The following DDX6 variants were observed in gnomAD, a reference collection of about 807,000 sequenced individuals.
DDX6 encodes DEAD-box helicase 6, also known as probable ATP-dependent RNA helicase DDX6.
In DDX6, 7 loss-of-function variants were observed where a neutral mutation model predicts 60.6. The observed-to-expected ratio is 0.12, with a 90% CI of 0.07 to 0.22. DDX6 has a LOEUF of 0.22. DDX6 is among the 10% of genes least tolerant of loss of function. DDX6 has a pLI of 1.00. For synonymous variants in DDX6, 207 were observed against 201.0 expected (o/e 1.03, Z -0.25); for missense variants, 270 against 589.9 (o/e 0.46, Z 5.62).
Position 118,752,345 on chromosome 11 carries a change from A to C in DDX6, c.*8-248T>G, listed in dbSNP as rs1220186582. Among the ~76,000 whole-genome samples the C allele has an allele frequency of 3.9e-5, 6 of 152,332 alleles. No individual in the cohort carries two copies. In the South Asian group the frequency reaches 1.2e-3, roughly 32 times the overall value. ...TCACTCGTAACAAATCCGGGGGAAA[A>C]AAATTAACCTTACACAAACTGAATA... On this transcript the variant is annotated intron_variant, in intron 13 of 13. Transcript: ENST00000534980.
intron 12 of DDX6, 34 bp downstream of exon 12, chr11:118,755,368 C>A (rs192645476): frequency 7.2e-7 from 1 of 1,383,552 alleles, no homozygotes; most frequent in African/African-American, 1.4e-5. Flanking sequence ...CAAAAAAGAA[C>A]TTCTACCAAG....
At chr11:118,785,486 A>G (rs571893378) in intron 2 of DDX6, among the ~76,000 whole-genome samples, 12 of 151,886 alleles carry the variant, frequency 7.9e-5, no homozygotes, top group Admixed American at 6.6e-4. Flanking sequence ...GATTACAGGC[A>G]TGAGTCACCT....
At chr11:118,784,121 A>G (rs951384626) in intron 2 of DDX6, among the ~76,000 whole-genome samples, 6 of 151,856 alleles carry the variant, frequency 4.0e-5, no homozygotes, top group African/African-American at 1.5e-4. Context: ...AAAAAATTAA[A>G]AATAGTCTAA....
At chr11:118,756,427 TAA>T (rs1860978547) in intron 10 of DDX6, 104 bp from the exon 11 acceptor site, 1 of 830,522 alleles carries the variant, frequency 1.2e-6, no homozygotes, top group Non-Finnish European at 1.9e-6. Flanking sequence ...AATCTGTTTA[TAA>T]GTGATCCATG....
At chr11:118,777,536 T>C (rs1456394127) in intron 4 of DDX6, among the ~76,000 whole-genome samples, 3 of 152,178 alleles carry the variant, frequency 2.0e-5, no homozygotes, top group African/African-American at 4.8e-5. Flanking sequence ...TCAAGGATCC[T>C]TGGATGCCAA....
intron 4 of DDX6, among the ~76,000 whole-genome samples, chr11:118,769,082 A>T (rs1050088163): frequency 2.0e-5 from 3 of 150,270 alleles, no homozygotes; most frequent in African/African-American, 4.9e-5. Context: ...ACTTGAGCCC[A>T]GGAGTTTGAG....
At chr11:118,777,211 A>C (rs1861729228) in intron 4 of DDX6, among the ~76,000 whole-genome samples, 2 of 147,554 alleles carry the variant, frequency 1.4e-5, no homozygotes, top group South Asian at 4.2e-4. Flanking sequence ...AGAATTCCCA[A>C]GGTCAAACAC....
At position 118,762,301 on chromosome 11, in the gene DDX6, AT is replaced by A. The variant is rs1555160406; in HGVS notation, c.741+910del. Among the ~76,000 whole-genome samples the A allele has an allele frequency of 1.6e-3, 237 of 146,606 alleles. 37 individuals carry two copies. The highest frequency in any genetic ancestry group is 3.5e-3 in the Middle Eastern group (1 of 284). On this transcript the variant is annotated intron_variant, in intron 7 of 13. Transcript: ENST00000534980. The stretch of plus-strand genomic sequence containing the variant: ...AAAAAAAAAAATAATAATAATAATA[AT>A]AAACCTCAACCCAAATGTGAAAATA...
At chr11:118,773,251 C>A (rs1373824070) in intron 4 of DDX6, among the ~76,000 whole-genome samples, 1 of 152,106 alleles carries the variant, frequency 6.6e-6, no homozygotes, top group Non-Finnish European at 1.5e-5. Flanking sequence ...TTTTCCAAAC[C>A]TTAATTTCCA....
chr11:118,758,284 G>A (rs1378126318), intron 9 of DDX6, among the ~76,000 whole-genome samples: 1 of 152,158 alleles, frequency 6.6e-6, no homozygotes, highest in Admixed American at 6.6e-5. Flanking sequence ...ATTCAAAAGT[G>A]TATCTGTGAC....
intron 4 of DDX6, among the ~76,000 whole-genome samples, chr11:118,778,414 A>G (rs1288605780): frequency 1.3e-5 from 2 of 152,184 alleles, no homozygotes; most frequent in African/African-American, 4.8e-5. Context: ...GCATCCCCCC[A>G]TTGATGATAA....
chr11:118,762,285 A>AT (rs1861200164), intron 7 of DDX6, among the ~76,000 whole-genome samples: 1 of 126,352 alleles, frequency 7.9e-6, no homozygotes, highest in African/African-American at 2.8e-5. Flanking sequence ...AAAAAAAAAA[A>AT]ATAATAATAA....
At chr11:118,765,787 A>AAAG (rs1469683954) in intron 5 of DDX6, among the ~76,000 whole-genome samples, 1 of 14,404 alleles carries the variant, frequency 6.9e-5, no homozygotes, top group African/African-American at 5.9e-4. Context: ...AGAAAGAAAG[A>AAAG]AAAAAAAAAT....
chr11:118,761,861 G>GGA (rs782613339), intron 7 of DDX6, among the ~76,000 whole-genome samples: 1 of 134,022 alleles, frequency 7.5e-6, no homozygotes, highest in Non-Finnish European at 1.6e-5. Context: ...AAATTAAATG[G>GGA]AAAAAAAAAA....
rs1032312705 is a variant in DDX6 at position 118,784,878 on chromosome 11, G to A, written c.200+1174C>T. On this transcript the variant is annotated intron_variant, in intron 2 of 13. Transcript: ENST00000534980. ...TGATTCTCCTGCCTCAGCCTCCCAAGTAGCATTATGGGCATGTGCCACCAC... is the reference window on the plus strand; with the variant it reads ...TGATTCTCCTGCCTCAGCCTCCCAAATAGCATTATGGGCATGTGCCACCAC... Among the ~76,000 whole-genome samples the A allele has an allele frequency of 3.9e-5, 6 of 152,016 alleles. 1 individual carries two copies. Among genetic ancestry groups the A allele is most frequent in the Admixed American group, 3.9e-4 (6 of 15,246 alleles).
rs1185611257 is a variant in DDX6 at position 118,768,197 on chromosome 11, TAAAAAC to T, written c.499+20_499+25del. 3 of 1,604,926 alleles carry T rather than the reference TAAAAAC, an allele frequency of 1.9e-6. No homozygotes were observed. Among genetic ancestry groups the T allele is most frequent in the Non-Finnish European group, 2.6e-6 (3 of 1,174,466 alleles). The stretch of plus-strand genomic sequence containing the variant: ...AAGGCTGAAACTCCCATTTTTAGTT[TAAAAAC>T]AAACTTTTATTCAACTAACCTTGTA... On this transcript the variant is annotated intron_variant, in intron 5 of 13. Transcript: ENST00000534980.
chr11:118,749,175 C>A lies in DDX6; in HGVS notation c.*2930G>T, dbSNP rs1860662024. 6.6e-6 allele frequency: 1 copy of A among 151,764 alleles called. No homozygotes were observed. 9.4% of individuals were successfully genotyped at this position (151,764 alleles called of 1,614,324 possible). ...GTCCATAGCCCATTACACAACTGTACAACCAAAGGCTAAATGATGAGTTGG... is the reference window on the plus strand; with the variant it reads ...GTCCATAGCCCATTACACAACTGTAAAACCAAAGGCTAAATGATGAGTTGG... On this transcript the variant is annotated 3_prime_UTR_variant, in exon 14 of 14. Transcript: ENST00000534980.
At chr11:118,771,376 A>C (rs10892286) in intron 4 of DDX6, among the ~76,000 whole-genome samples, 26,059 of 152,208 alleles carry the variant, frequency 0.17, 2,478 homozygotes, top group South Asian at 0.29. Flanking sequence ...GACAGGGATT[A>C]TACCCTACAA....
chr11:118,765,338 T>A lies in DDX6; in HGVS notation c.517A>T (p.Thr173Ser). 1 of 1,613,906 alleles carries A rather than the reference T, an allele frequency of 6.2e-7. No individual in the cohort carries two copies. Among genetic ancestry groups the A allele is most frequent in the Non-Finnish European group, 8.5e-7 (1 of 1,179,882 alleles). ...DNIQAMVIVP[T>S]RELALQVSQI... ...CTGACCTGTAGAGCAAGTTCTCTAG[T>A]GGGAACAATCACCATTGCTGAAACA... is the stretch of plus-strand genomic sequence containing the variant. The change falls in exon 6 of 14, where the codon ACT becomes TCT. Residue 173 changes from threonine to serine, a missense_variant. Thr to Ser is a moderately conservative substitution (Grantham distance 58, BLOSUM62 1). Transcript: ENST00000534980.
Sources: allele counts gnomAD v4.1 joint callset (sites outside exome capture counted in the v4.1 genomes callset), GRCh38; gene constraint gnomAD v4.1.1; transcripts MANE v1.5; gene names NCBI Gene and HGNC (gene_info 2026-07-23, HGNC 2026-07-21).